The following CNBD1 variants were observed in gnomAD, a reference collection of about 807,000 sequenced individuals.
CNBD1 encodes the protein cyclic nucleotide binding domain containing 1.
In CNBD1, 71 loss-of-function variants were observed where a neutral mutation model predicts 54.4. The observed-to-expected ratio is 1.30, with a 90% CI of 1.08 to 1.59. The LOEUF is 1.59. CNBD1 is among the 40% of genes most tolerant of loss of function. The pLI is 0.00. For synonymous variants in CNBD1, 182 were observed against 170.7 expected (o/e 1.07, Z -0.51); for missense variants, 659 against 518.0 (o/e 1.27, Z -2.64).
At chr8:86,885,003 TG>T (rs2131784083) in intron 1 of CNBD1, among the ~76,000 whole-genome samples, 1 of 152,346 alleles carries the variant, frequency 6.6e-6, no homozygotes, top group Non-Finnish European at 1.5e-5. Context: ...CAGATAAGCC[TG>T]GTCTCTGAGT....
intron 4 of CNBD1, among the ~76,000 whole-genome samples, chr8:87,170,471 G>C (rs1487169785): frequency 6.6e-6 from 1 of 152,152 alleles, no homozygotes; most frequent in Admixed American, 6.6e-5. Context: ...AAACAGTGGT[G>C]AAAGTGGGGA....
chr8:87,360,324 G>A (rs1810500929), intron 10 of CNBD1, among the ~76,000 whole-genome samples: 1 of 151,744 alleles, frequency 6.6e-6, no homozygotes, highest in Admixed American at 6.6e-5. Flanking sequence ...TGGCTTATTT[G>A]TTCCTTTTGG....
chr8:87,322,947 T>C (rs1809570184), intron 8 of CNBD1, among the ~76,000 whole-genome samples: 1 of 93,132 alleles, frequency 1.1e-5, no homozygotes, highest in Non-Finnish European at 2.2e-5. Context: ...GGTCTAACGT[T>C]TAAATCTTTA....
At chr8:87,341,805 A>ATATTGGTC (rs1563560925) in intron 8 of CNBD1, among the ~76,000 whole-genome samples, 2 of 152,190 alleles carry the variant, frequency 1.3e-5, no homozygotes, top group African/African-American at 2.4e-5. Context: ...TGGTGCTTTG[A>ATATTGGTC]TATTGGTCTT....
chr8:86,936,919 G>A (rs1809559220), intron 3 of CNBD1, among the ~76,000 whole-genome samples: 4 of 152,108 alleles, frequency 2.6e-5, no homozygotes, highest in Admixed American at 2.6e-4. Context: ...TACTAGCTGT[G>A]AGAGTTTAGA....
At chr8:87,113,735 C>T (rs1277181930) in intron 4 of CNBD1, among the ~76,000 whole-genome samples, 2 of 151,944 alleles carry the variant, frequency 1.3e-5, no homozygotes, top group East Asian at 1.9e-4. Flanking sequence ...CTGGCTAACA[C>T]GGTGAGACCC....
At chr8:86,891,371 C>G (rs1294203557) in intron 2 of CNBD1, among the ~76,000 whole-genome samples, 1 of 151,966 alleles carries the variant, frequency 6.6e-6, no homozygotes, top group Non-Finnish European at 1.5e-5. Flanking sequence ...GTGTTCTTGG[C>G]AATTTTGTCA....
chr8:86,881,417 A>G (rs1281494588), intron 1 of CNBD1, among the ~76,000 whole-genome samples: 19 of 152,182 alleles, frequency 1.2e-4, no homozygotes, highest in Non-Finnish European at 1.9e-4. Flanking sequence ...TCCCATTAAC[A>G]ATTGCCACAG....
At chr8:87,134,434 T>C (rs775547788) in intron 4 of CNBD1, among the ~76,000 whole-genome samples, 26 of 152,068 alleles carry the variant, frequency 1.7e-4, no homozygotes, top group Admixed American at 3.3e-4. Context: ...TTTCTTAATA[T>C]AACTTTTATT....
At chr8:86,944,508 A>G (rs1215349910) in intron 4 of CNBD1, among the ~76,000 whole-genome samples, 1 of 152,248 alleles carries the variant, frequency 6.6e-6, no homozygotes, top group Non-Finnish European at 1.5e-5. Flanking sequence ...AGAGAGAGAC[A>G]ATTAAATACC....
chr8:86,955,314 G>A (rs140178618), intron 4 of CNBD1, among the ~76,000 whole-genome samples: 2,808 of 152,202 alleles, frequency 0.018, 82 homozygotes, highest in African/African-American at 0.062. Context: ...TGTCTTTATA[G>A]CAGCATGATT....
At chr8:87,244,695 A>C (rs1807768082) in intron 6 of CNBD1, among the ~76,000 whole-genome samples, 1 of 152,112 alleles carries the variant, frequency 6.6e-6, no homozygotes, top group African/African-American at 2.4e-5. Flanking sequence ...CAGTGTTAAG[A>C]TGGCTTCCTT....
At chr8:87,378,768 G>C (rs914584823) in intron 10 of CNBD1, among the ~76,000 whole-genome samples, 2 of 151,104 alleles carry the variant, frequency 1.3e-5, no homozygotes, top group Non-Finnish European at 2.9e-5. Flanking sequence ...TCATGATATT[G>C]ATTCTTCCTA....
intron 4 of CNBD1, among the ~76,000 whole-genome samples, chr8:86,962,584 G>T (rs1313379463): frequency 6.6e-6 from 1 of 152,098 alleles, no homozygotes; most frequent in African/African-American, 2.4e-5. Flanking sequence ...AGGAGATCAA[G>T]ACCATCCTGG....
chr8:87,358,400 C>T (rs1017217913), intron 10 of CNBD1, among the ~76,000 whole-genome samples: 2 of 151,984 alleles, frequency 1.3e-5, no homozygotes, highest in Admixed American at 1.3e-4. Flanking sequence ...AATTACTAAC[C>T]ACCAATTAAA....
intron 4 of CNBD1, among the ~76,000 whole-genome samples, chr8:86,944,835 A>C (rs1807428516): frequency 6.6e-6 from 1 of 152,286 alleles, no homozygotes; most frequent in Admixed American, 6.5e-5. Flanking sequence ...GACCTGTTAG[A>C]GTGCTGTGAA....
At chr8:87,223,080 T>A (rs1814378664) in intron 5 of CNBD1, among the ~76,000 whole-genome samples, 1 of 150,464 alleles carries the variant, frequency 6.6e-6, no homozygotes, top group Non-Finnish European at 1.5e-5. Context: ...AACAAACCAC[T>A]TTTATTATAA....
intron 4 of CNBD1, among the ~76,000 whole-genome samples, chr8:87,009,600 C>T (rs751057166): frequency 3.9e-5 from 6 of 152,174 alleles, no homozygotes; most frequent in Middle Eastern, 3.4e-3. Context: ...CCACACCTGG[C>T]CCCCCAAAAC....
At chr8:87,230,422 T>G (rs2130819943) in intron 5 of CNBD1, among the ~76,000 whole-genome samples, 1 of 152,308 alleles carries the variant, frequency 6.6e-6, no homozygotes, top group Non-Finnish European at 1.5e-5. Context: ...ATATATACAT[T>G]TTATACATAC....
Sources: allele counts gnomAD v4.1 joint callset (sites outside exome capture counted in the v4.1 genomes callset), GRCh38; gene constraint gnomAD v4.1.1; transcripts MANE v1.5; gene names NCBI Gene and HGNC (gene_info 2026-07-23, HGNC 2026-07-21).